SP140: variants seen among roughly 807,000 people sequenced by gnomAD.
The protein encoded by SP140 is SP140 nuclear body protein.
Under a neutral mutation model 125.0 loss-of-function variants are expected in SP140, and 81 were observed. The observed-to-expected ratio is 0.65, with a 90% CI of 0.54 to 0.78. The LOEUF (loss-of-function observed/expected upper bound fraction) is 0.78. SP140 is among the 30% of genes least tolerant of loss of function. The pLI is 0.00. For missense variants in SP140, 858 were observed against 1,037.0 expected, an observed-to-expected ratio of 0.83 and a Z score of 2.37; for synonymous variants, 312 against 354.0, an observed-to-expected ratio of 0.88 and a Z score of 1.33.
chr2:230,259,956 C>T (rs201258997), intron 12 of SP140, among the ~76,000 whole-genome samples: 1 of 151,698 alleles, frequency 6.6e-6, no homozygotes, highest in African/African-American at 2.4e-5. Context: ...GGATAGATAC[C>T]CAGTAGTGGG....
chr2:230,256,447 C>G lies in SP140; in HGVS notation c.1240+915C>G, dbSNP rs539217179. The stretch of plus-strand genomic sequence containing the variant: ...GACAAAAAACCAAACACTGCATGTT[C>G]TCACTCATAGGTGGGAATTGAACAA... On this transcript the variant is annotated intron_variant, in intron 12 of 26. Coordinates refer to ENST00000392045, the MANE Select transcript of SP140 (RefSeq NM_007237.5). Among the ~76,000 whole-genome samples the G allele has an allele frequency of 2.7e-5, 4 of 148,476 alleles. No individual in the cohort carries two copies. The South Asian group carries it at 8.5e-4, about 31-fold the overall frequency.
intron 16 of SP140, 39 bp from the exon 17 acceptor site, chr2:230,285,713 C>T (rs1447708922): frequency 2.6e-6 from 4 of 1,528,200 alleles, no homozygotes; most frequent in East Asian, 2.3e-5. Context: ...TGTTGTTCTG[C>T]CCAGTTCTAT....
chr2:230,187,245 G>C, the SP140 span, among the ~76,000 whole-genome samples: 1 of 152,064 alleles, frequency 6.6e-6, no homozygotes. Flanking sequence ...TCATTTCCCT[G>C]ATGATTAGTG....
upstream of SP140, chr2:230,221,682 T>G: frequency 6.5e-7 from 1 of 1,535,476 alleles, no homozygotes; most frequent in Non-Finnish European, 8.7e-7. Flanking sequence ...GGTTATTTTA[T>G]GCAAATGTCA....
At chr2:230,274,810 G>A (rs1360745063) in intron 15 of SP140, among the ~76,000 whole-genome samples, 1 of 150,800 alleles carries the variant, frequency 6.6e-6, no homozygotes, top group Non-Finnish European at 1.5e-5. Flanking sequence ...AAACTTTGCT[G>A]TACATATTTC....
At chr2:230,244,587 G>A (rs903936054) in intron 5 of SP140, among the ~76,000 whole-genome samples, 1 of 152,150 alleles carries the variant, frequency 6.6e-6, no homozygotes, top group African/African-American at 2.4e-5. Context: ...AAAGCAGAGA[G>A]AAACGGTAAG....
At chr2:230,239,676 C>G (rs753356240) in intron 3 of SP140, among the ~76,000 whole-genome samples, 1 of 152,112 alleles carries the variant, frequency 6.6e-6, no homozygotes, top group South Asian at 2.1e-4. Context: ...CTTGAACCCC[C>G]GACCTCAGGT....
chr2:230,300,478 C>T (rs1053856231), intron 22 of SP140, among the ~76,000 whole-genome samples: 1 of 152,160 alleles, frequency 6.6e-6, no homozygotes, highest in African/African-American at 2.4e-5. Context: ...CATCACAGGA[C>T]CCTTTGCAGA....
At chr2:230,235,468 T>C (rs1455986519) in intron 1 of SP140, among the ~76,000 whole-genome samples, 5 of 152,238 alleles carry the variant, frequency 3.3e-5, no homozygotes, top group Admixed American at 3.3e-4. Flanking sequence ...AATCAACGAT[T>C]TTAAACCAGA....
intron 1 of SP140, among the ~76,000 whole-genome samples, chr2:230,205,646 T>G (rs1273178458): frequency 1.3e-5 from 2 of 152,244 alleles, no homozygotes; most frequent in Non-Finnish European, 2.9e-5. Flanking sequence ...ATACAGTTAG[T>G]GCTCACTGCA....
chr2:230,272,732 G>T (rs759200022), intron 15 of SP140, among the ~76,000 whole-genome samples: 3 of 152,122 alleles, frequency 2.0e-5, no homozygotes, highest in Non-Finnish European at 4.4e-5. Context: ...GATGGTACTG[G>T]TACAAGAACA....
At chr2:230,292,317 A>G (rs983408019) in intron 19 of SP140, among the ~76,000 whole-genome samples, 1 of 152,216 alleles carries the variant, frequency 6.6e-6, no homozygotes, top group Non-Finnish European at 1.5e-5. Context: ...CCAAATTTGA[A>G]TAGCAAGTTG....
chr2:230,229,634 A>T (rs1266867237), intron 1 of SP140, among the ~76,000 whole-genome samples: 2 of 151,056 alleles, frequency 1.3e-5, no homozygotes, highest in African/African-American at 4.9e-5. Flanking sequence ...CGCCTGGCTA[A>T]TTTTTTGTAT....
intron 12 of SP140, among the ~76,000 whole-genome samples, chr2:230,256,786 G>A (rs142828761): frequency 8.5e-5 from 13 of 152,088 alleles, no homozygotes; most frequent in Non-Finnish European, 7.4e-5. Context: ...TCAGTGTAAT[G>A]GTATTCTACC....
chr2:230,316,413 G>A (rs1291311264), downstream of SP140, among the ~76,000 whole-genome samples: 1 of 152,184 alleles, frequency 6.6e-6, no homozygotes, highest in East Asian at 1.9e-4. Context: ...ACATTCTGAT[G>A]AATGTGATTC....
intron 22 of SP140, among the ~76,000 whole-genome samples, chr2:230,303,528 T>C (rs1161320283): frequency 1.3e-5 from 2 of 152,098 alleles, no homozygotes; most frequent in Non-Finnish European, 2.9e-5. Context: ...TTCCAAAACA[T>C]AGAGAAAGAG....
At chr2:230,218,641 G>A (rs1005678703) in intron 3 of SP140, among the ~76,000 whole-genome samples, 1 of 152,180 alleles carries the variant, frequency 6.6e-6, no homozygotes, top group African/African-American at 2.4e-5. Flanking sequence ...TCTGTCATGA[G>A]TCCCAAAGAT....
In SP140 at chr2:230,255,934, T is replaced by C. The variant is rs578119665; in HGVS notation, c.1240+402T>C. Reference sequence around the variant, plus strand: ...GGGGCAGGCAAACTGAGTAATCCTATTTTATAGGTGAAGAAATAAAGGTCA... The same window carrying C: ...GGGGCAGGCAAACTGAGTAATCCTACTTTATAGGTGAAGAAATAAAGGTCA... On this transcript the variant is annotated intron_variant, in intron 12 of 26. Coordinates refer to ENST00000392045, the MANE Select transcript of SP140 (RefSeq NM_007237.5). 1.6e-4 allele frequency among the ~76,000 whole-genome samples: 25 copies of C among 152,346 alleles called. No homozygotes were observed. The South Asian group carries it at 5.0e-3, about 30-fold the overall frequency.
At chr2:230,231,882 T>C (rs937105848) in intron 1 of SP140, among the ~76,000 whole-genome samples, 17 of 152,250 alleles carry the variant, frequency 1.1e-4, no homozygotes, top group South Asian at 4.1e-4. Flanking sequence ...AATTTTCTTT[T>C]GTGTTTTTAG....
Sources: allele counts gnomAD v4.1 joint callset (sites outside exome capture counted in the v4.1 genomes callset), GRCh38; gene constraint gnomAD v4.1.1; transcripts MANE v1.5; gene names NCBI Gene and HGNC (gene_info 2026-07-23, HGNC 2026-07-21).